The following PTPRO variants were observed in gnomAD, a reference collection of about 807,000 sequenced individuals.
PTPRO encodes the protein receptor-type tyrosine-protein phosphatase O.
PTPRO carries 62 observed loss-of-function variants against 145.2 expected under a neutral mutation model. The observed-to-expected ratio is 0.43, with a 90% CI of 0.35 to 0.53. PTPRO has a LOEUF of 0.53. PTPRO is among the 20% of genes least tolerant of loss of function. The pLI is 0.01. For missense variants in PTPRO, 1,345 were observed against 1,482.7 expected (o/e 0.91, Z 1.53); for synonymous variants, 565 against 514.7 (o/e 1.10, Z -1.32).
At chr12:15,382,224 C>A (rs1938884590) in intron 1 of PTPRO, among the ~76,000 whole-genome samples, 1 of 151,186 alleles carries the variant, frequency 6.6e-6, no homozygotes. Context: ...ATCTTGGTAC[C>A]AAGCAAACTG....
rs1001629675 is a variant in PTPRO, at chr12:15,346,706, T to C, written c.75+23905T>C. The C allele has an allele frequency of 2.6e-5, 4 of 152,214 alleles. No homozygotes were observed. In the East Asian group the frequency reaches 7.7e-4, roughly 29 times the overall value. 9.4% of individuals were successfully genotyped at this position (152,214 alleles called of 1,614,324 possible). A position where few individuals can be genotyped will look rare whatever the true frequency, so the allele number is the denominator to read the frequency against. ...GATACGGAAAGAATAAGATTAGTTC[T>C]GTCATGAGGATAGGGAGACCAACAG... On this transcript the variant is annotated intron_variant, in intron 1 of 26. Coordinates refer to ENST00000281171, the MANE Select transcript of PTPRO (RefSeq NM_030667.3).
At chr12:15,560,587 A>C (rs1490675422) in intron 17 of PTPRO, among the ~76,000 whole-genome samples, 1 of 151,990 alleles carries the variant, frequency 6.6e-6, no homozygotes, top group African/African-American at 2.4e-5. Context: ...TTCCATTATC[A>C]TCTTCATCCA....
At chr12:15,347,161 T>C (rs1276363891) in intron 1 of PTPRO, among the ~76,000 whole-genome samples, 1 of 152,174 alleles carries the variant, frequency 6.6e-6, no homozygotes, top group African/African-American at 2.4e-5. Flanking sequence ...ACTCAGTTTT[T>C]TCCTCCTCCT....
chr12:15,361,826 T>G (rs1938219718), intron 1 of PTPRO, among the ~76,000 whole-genome samples: 1 of 152,220 alleles, frequency 6.6e-6, no homozygotes, highest in South Asian at 2.1e-4. Flanking sequence ...ATCAAACTAT[T>G]GTGTACAAGA....
chr12:15,524,289 T>G (rs1330850630), intron 10 of PTPRO, among the ~76,000 whole-genome samples: 1 of 152,136 alleles, frequency 6.6e-6, no homozygotes, highest in Non-Finnish European at 1.5e-5. Context: ...TCTTGTTATT[T>G]TATGCAAATA....
At chr12:15,462,004 G>A (rs1224835841) in intron 1 of PTPRO, among the ~76,000 whole-genome samples, 1 of 152,114 alleles carries the variant, frequency 6.6e-6, no homozygotes, top group Admixed American at 6.5e-5. Flanking sequence ...CAGCCCCAAG[G>A]CTGTTTCTGT....
chr12:15,445,079 T>G (rs1036818719), intron 1 of PTPRO, among the ~76,000 whole-genome samples: 1 of 152,182 alleles, frequency 6.6e-6, no homozygotes, highest in African/African-American at 2.4e-5. Flanking sequence ...GTGCTGAGTT[T>G]CTTCCATACA....
chr12:15,394,106 T>G (rs987966410), intron 1 of PTPRO, among the ~76,000 whole-genome samples: 1 of 152,052 alleles, frequency 6.6e-6, no homozygotes, highest in Non-Finnish European at 1.5e-5. Flanking sequence ...GATGACCCAA[T>G]CATCTCTTAA....
At chr12:15,473,575 G>A (rs527690163) in intron 1 of PTPRO, among the ~76,000 whole-genome samples, 18 of 152,126 alleles carry the variant, frequency 1.2e-4, no homozygotes, top group African/African-American at 4.3e-4. Flanking sequence ...AGACCAGCCT[G>A]GCCAACATGG....
At chr12:15,336,621 T>C (rs1453289189) in intron 1 of PTPRO, among the ~76,000 whole-genome samples, 1 of 152,082 alleles carries the variant, frequency 6.6e-6, no homozygotes, top group African/African-American at 2.4e-5. Context: ...GGCATGCTGG[T>C]TAAAAAAAAA....
Position 15,572,783 on chromosome 12 carries a change from T to C in PTPRO, c.2829+3285T>C, listed in dbSNP as rs569658850. ...TATAAAATGGGTGAGTTGAACTAGA[T>C]CAATGGTTCTCAACTGGACAAGTAC... On this transcript the variant is annotated intron_variant, in intron 19 of 26. Coordinates refer to ENST00000281171, the MANE Select transcript of PTPRO (RefSeq NM_030667.3). Among the ~76,000 whole-genome samples the C allele has an allele frequency of 1.2e-4, 18 of 151,898 alleles. No individual in the cohort carries two copies. In the South Asian group the frequency reaches 3.3e-3, roughly 28 times the overall value.
intron 7 of PTPRO, among the ~76,000 whole-genome samples, chr12:15,513,218 AAAG>A (rs1942502721): frequency 5.3e-5 from 7 of 132,718 alleles, no homozygotes; most frequent in South Asian, 2.7e-4. Flanking sequence ...AGAAAGAAAG[AAAG>A]AAAGAAAAGA....
In PTPRO at chr12:15,501,872, C is replaced by T. The variant is rs746704582; in HGVS notation, c.914C>T (p.Ala305Val). ...SQPYWWDSASAAPESEDEFVS... is the reference protein window; with the variant it reads ...SQPYWWDSASVAPESEDEFVS... ...CCATATTGGTGGGACAGTGCATCTG[C>T]AGCTCCTGAAAGTGAAGATGAATTT... The change falls in exon 5 of 27, where the codon GCA (alanine) becomes GTA (valine). Residue 305 changes from alanine to valine, a missense_variant. Physicochemically the swap from Ala to Val is moderately conservative, Grantham distance 64. Coordinates refer to ENST00000281171, the MANE Select transcript of PTPRO (RefSeq NM_030667.3). The T allele has an allele frequency of 3.7e-6, 6 of 1,614,120 alleles. No homozygotes were observed. The highest frequency in any genetic ancestry group is 5.1e-6 in the Non-Finnish European group (6 of 1,180,010).
chr12:15,437,812 C>T (rs1269441362), intron 1 of PTPRO, among the ~76,000 whole-genome samples: 1 of 152,184 alleles, frequency 6.6e-6, no homozygotes, highest in Non-Finnish European at 1.5e-5. Context: ...TAGCCACCCA[C>T]TGGATTCTCA....
chr12:15,524,758 A>G (rs1942802805), intron 10 of PTPRO, 56 bp from the exon 11 acceptor site: 3 of 1,527,180 alleles, frequency 2.0e-6, no homozygotes, highest in East Asian at 4.5e-5. Flanking sequence ...CTCTGCTGGT[A>G]AGTACTTTAT....
intron 17 of PTPRO, among the ~76,000 whole-genome samples, chr12:15,562,230 G>T (rs537113635): frequency 6.6e-6 from 1 of 152,086 alleles, no homozygotes; most frequent in Non-Finnish European, 1.5e-5. Flanking sequence ...CTCCCCGCTC[G>T]TGGAAATACA....
intron 19 of PTPRO, among the ~76,000 whole-genome samples, chr12:15,572,742 C>T (rs1429550782): frequency 2.6e-5 from 2 of 75,600 alleles, no homozygotes; most frequent in African/African-American, 5.7e-5. Flanking sequence ...TTTCTCATCA[C>T]CTTAGTTTCT....
chr12:15,388,764 TC>T (rs547928484), intron 1 of PTPRO, among the ~76,000 whole-genome samples: 51 of 152,312 alleles, frequency 3.3e-4, no homozygotes, highest in African/African-American at 1.2e-3. Context: ...AGTGAGCACA[TC>T]CTCCGTAAGT....
chr12:15,479,462 G>C (rs1941732308), intron 1 of PTPRO, among the ~76,000 whole-genome samples: 1 of 152,078 alleles, frequency 6.6e-6, no homozygotes, highest in Non-Finnish European at 1.5e-5. Flanking sequence ...CCTTTTATGT[G>C]TTCTGCTCCC....
Sources: gnomAD v4.1 joint callset for allele counts (sites outside exome capture counted in the v4.1 genomes callset) on GRCh38, gnomAD v4.1.1 for gene constraint, MANE v1.5 for transcripts, NCBI Gene and HGNC (gene_info 2026-07-23, HGNC 2026-07-21) for gene names.